The following MYEF2 variants were observed in gnomAD, a reference collection of about 807,000 sequenced individuals.
The protein encoded by MYEF2 is myelin expression factor 2, also known as myelin gene expression factor 2.
Under a neutral mutation model 75.2 loss-of-function variants are expected in MYEF2, and 37 were observed. That is an observed-to-expected ratio of 0.49 (90% CI 0.38 to 0.65). The LOEUF (loss-of-function observed/expected upper bound fraction) is 0.65. MYEF2 is among the 30% of genes least tolerant of loss of function. The pLI is 0.00. For missense variants in MYEF2, 634 were observed against 771.4 expected (o/e 0.82, Z 2.11); for synonymous variants, 195 against 241.6 (o/e 0.81, Z 1.79).
Position 48,141,053 on chromosome 15 carries a change from C to G in MYEF2, c.*1855G>C. 4 of 1,357,122 alleles carry G rather than the reference C, an allele frequency of 2.9e-6. No individual in the cohort carries two copies. The highest frequency in any genetic ancestry group is 1.5e-5 in the African/African-American group (1 of 68,942). The allele number at this position is 1,357,122 out of a possible 1,614,324, so 84.1% of individuals were successfully genotyped here. On this transcript the variant is annotated 3_prime_UTR_variant, in exon 17 of 17. Transcript: ENST00000324324. ...TTCACGAAGGAAATATCCAAAATAA[C>G]TGCAAAGGATGGTTAGTGAATCTTT...
At chr15:48,173,594 A>C (rs1314827512) in intron 1 of MYEF2, among the ~76,000 whole-genome samples, 6 of 152,128 alleles carry the variant, frequency 3.9e-5, no homozygotes, top group Non-Finnish European at 8.8e-5. Context: ...ATAGAAAATT[A>C]TTCAGAGAAA....
intron 5 of MYEF2, among the ~76,000 whole-genome samples, chr15:48,164,859 T>G (rs1347001725): frequency 6.6e-6 from 1 of 152,214 alleles, no homozygotes; most frequent in Non-Finnish European, 1.5e-5. Context: ...ATAATGCTAT[T>G]GCACACTTTA....
At chr15:48,147,439 G>A (rs2039329075) in intron 16 of MYEF2, among the ~76,000 whole-genome samples, 1 of 151,718 alleles carries the variant, frequency 6.6e-6, no homozygotes, top group African/African-American at 2.4e-5. Flanking sequence ...CTCATTTGGA[G>A]ATTTTTTTTT....
chr15:48,171,594 C>A (rs1438408118), intron 1 of MYEF2, among the ~76,000 whole-genome samples: 3 of 151,774 alleles, frequency 2.0e-5, no homozygotes, highest in Non-Finnish European at 2.9e-5. Flanking sequence ...TAAGTTTCTT[C>A]CCAGTGTATA....
chr15:48,146,919 C>T (rs2039305550), intron 16 of MYEF2, among the ~76,000 whole-genome samples: 2 of 151,784 alleles, frequency 1.3e-5, no homozygotes, highest in African/African-American at 4.8e-5. Context: ...TATAACTTTT[C>T]CATCAATGTA....
intron 1 of MYEF2, among the ~76,000 whole-genome samples, chr15:48,173,024 C>G (rs530299302): frequency 4.6e-5 from 7 of 152,114 alleles, no homozygotes; most frequent in South Asian, 2.1e-4. Context: ...CTGATAACAA[C>G]GCAAGACAAG....
intron 1 of MYEF2, among the ~76,000 whole-genome samples, chr15:48,175,077 ATATAT>A (rs1342736700): frequency 6.6e-6 from 1 of 152,168 alleles, no homozygotes; most frequent in Non-Finnish European, 1.5e-5. Context: ...GAAACATGAT[ATATAT>A]TATATTTTAT....
intron 9 of MYEF2, among the ~76,000 whole-genome samples, chr15:48,155,111 A>C (rs1478020812): frequency 6.6e-6 from 1 of 152,086 alleles, no homozygotes; most frequent in African/African-American, 2.4e-5. Flanking sequence ...GAACTCTTCA[A>C]TTTCATGGTG....
chr15:48,147,212 G>A (rs955436750), intron 16 of MYEF2, among the ~76,000 whole-genome samples: 6 of 151,846 alleles, frequency 4.0e-5, no homozygotes, highest in Non-Finnish European at 7.4e-5. Flanking sequence ...AATTGCTGAT[G>A]TCCTCATGTC....
At chr15:48,159,892 T>C (rs1356484649) in intron 5 of MYEF2, 88 bp from the exon 6 acceptor site, 1 of 1,338,950 alleles carries the variant, frequency 7.5e-7, no homozygotes, top group African/African-American at 1.5e-5. Context: ...ACAGTAGCTA[T>C]CCTGTCTGGC....
intron 5 of MYEF2, chr15:48,162,754 T>G (rs1335718143): frequency 6.6e-6 from 1 of 152,174 alleles, no homozygotes; most frequent in Non-Finnish European, 1.5e-5. Context: ...TGGTGATCTG[T>G]GATCAGTGAT....
At chr15:48,152,385 A>G (rs1177724818) in intron 10 of MYEF2, 101 bp from the exon 11 acceptor site, 1 of 939,446 alleles carries the variant, frequency 1.1e-6, no homozygotes, top group Admixed American at 2.2e-5. Flanking sequence ...TGGTATAACC[A>G]CAATGAAACA....
chr15:48,141,185 C>T lies in MYEF2; in HGVS notation c.*1723G>A, dbSNP rs750277673. The stretch of plus-strand genomic sequence containing the variant: ...GCAGCAGGAACAAGCATACCAGACA[C>T]AATTGCAAGTGTGTTGGTTGCAAGA... On this transcript the variant is annotated 3_prime_UTR_variant, in exon 17 of 17. Transcript: ENST00000324324. 6.8e-6 allele frequency: 11 copies of T among 1,613,736 alleles called. No homozygotes were observed. Among genetic ancestry groups the T allele is most frequent in the Non-Finnish European group, 9.3e-6 (11 of 1,179,798 alleles).
rs1017847736 is a variant in MYEF2 at position 48,135,726 on chromosome 15, A to T, written c.*7182T>A. ...GAAAAATATGAAAAAAAAAAAATGT[A>T]ATGGTGTCCATCTGGAGAACCATAA... is the stretch of plus-strand genomic sequence containing the variant. On this transcript the variant is annotated 3_prime_UTR_variant, in exon 17 of 17. Coordinates refer to ENST00000324324, the MANE Select transcript of MYEF2 (RefSeq NM_016132.5). 1 of 152,076 alleles carries T rather than the reference A, an allele frequency of 6.6e-6. No individual in the cohort carries two copies. The highest frequency in any genetic ancestry group is 2.4e-5 in the African/African-American group (1 of 41,388). The allele number at this position is 152,076 out of a possible 1,614,324, so 9.4% of individuals were successfully genotyped here.
At chr15:48,158,254 A>T (rs1162138658) in intron 7 of MYEF2, 30 bp from the exon 8 acceptor site, 1 of 1,603,426 alleles carries the variant, frequency 6.2e-7, no homozygotes, top group Admixed American at 1.7e-5. Flanking sequence ...AAGTCAGTTA[A>T]GATAACTATA....
intron 1 of MYEF2, among the ~76,000 whole-genome samples, chr15:48,172,807 G>A (rs918173044): frequency 1.3e-5 from 2 of 152,154 alleles, no homozygotes; most frequent in Non-Finnish European, 2.9e-5. Flanking sequence ...AACTCACCAA[G>A]GCTGAATCAT....
chr15:48,152,317 A>G (rs1227808335), intron 10 of MYEF2, 33 bp from the exon 11 acceptor site: 4 of 1,549,794 alleles, frequency 2.6e-6, no homozygotes, highest in South Asian at 1.1e-5. Context: ...TACTTTAAGT[A>G]TATTTTATTT....
At chr15:48,143,191 T>A in intron 16 of MYEF2, 120 bp from the exon 17 acceptor site, 2 of 519,624 alleles carry the variant, frequency 3.8e-6, no homozygotes, top group Non-Finnish European at 6.0e-6. Flanking sequence ...ATTAATTATT[T>A]AAAATAAATA....
chr15:48,168,243 A>G (rs1026574113), intron 2 of MYEF2, among the ~76,000 whole-genome samples: 2 of 152,134 alleles, frequency 1.3e-5, no homozygotes, highest in Non-Finnish European at 2.9e-5. Flanking sequence ...CCAAGATAGT[A>G]ACAAAACAGC....
Sources: allele counts gnomAD v4.1 joint callset (sites outside exome capture counted in the v4.1 genomes callset), GRCh38; gene constraint gnomAD v4.1.1; transcripts MANE v1.5; gene names NCBI Gene and HGNC (gene_info 2026-07-23, HGNC 2026-07-21).